INTS4: variants seen among roughly 807,000 people sequenced by gnomAD.
INTS4 encodes the protein integrator complex subunit 4.
Under a neutral mutation model 119.5 loss-of-function variants are expected in INTS4, and 70 were observed. The ratio of observed to expected loss-of-function variants is 0.59; its 90% CI spans 0.48 to 0.71. The LOEUF (loss-of-function observed/expected upper bound fraction) is 0.71, where lower values mean the gene tolerates loss of function less well. Ranked by LOEUF, INTS4 falls within the 30% of genes least tolerant of loss-of-function variation. The pLI, the probability that INTS4 is intolerant of heterozygous loss-of-function variation, is 0.00. For synonymous variants in INTS4, 316 were observed against 419.6 expected (o/e 0.75, Z 3.02); for missense variants, 867 against 1,173.2 (o/e 0.74, Z 3.81).
At chr11:77,910,614 A>T (rs1953069278) in intron 15 of INTS4, among the ~76,000 whole-genome samples, 1 of 151,206 alleles carries the variant, frequency 6.6e-6, no homozygotes, top group South Asian at 2.1e-4. Flanking sequence ...ATGTTTCTTT[A>T]AAAAAAAAAT....
intron 21 of INTS4, among the ~76,000 whole-genome samples, chr11:77,890,511 T>G (rs1952215308): frequency 1.3e-5 from 2 of 152,026 alleles, no homozygotes; most frequent in Admixed American, 1.3e-4. Context: ...CTAAAAGGTT[T>G]AGCCCTGCAT....
Position 77,910,551 on chromosome 11 carries a change from C to A in INTS4, c.1923-2741G>T, listed in dbSNP as rs1003076368. On this transcript the variant is annotated intron_variant, in intron 15 of 22. Coordinates refer to ENST00000534064, the MANE Select transcript of INTS4 (RefSeq NM_033547.4). ...GGCACATGTATACATATGTAACTAA[C>A]CTGCACATTGTGCACATGTACCCTA... Among the ~76,000 whole-genome samples the A allele has an allele frequency of 5.9e-5, 9 of 151,708 alleles. No individual in the cohort carries two copies. The South Asian group carries it at 1.9e-3, about 32-fold the overall frequency.
intron 18 of INTS4, chr11:77,900,552 T>C: frequency 4.6e-6 from 1 of 216,976 alleles, no homozygotes; most frequent in South Asian, 9.1e-5. Context: ...TCTATGGCAC[T>C]TTTTTTTTTT....
chr11:77,963,352 C>CAAA (rs777966254), intron 4 of INTS4: 8,245 of 173,444 alleles, frequency 0.048, 338 homozygotes, highest in South Asian at 0.061. Context: ...GACTCCGTCT[C>CAAA]AAAAAAAAAA....
chr11:77,951,936 G>A (rs1353622637), intron 8 of INTS4, among the ~76,000 whole-genome samples: 1 of 152,066 alleles, frequency 6.6e-6, no homozygotes, highest in Non-Finnish European at 1.5e-5. Flanking sequence ...CTGGCCATCA[G>A]AGAAATGCAA....
At chr11:77,926,046 T>C (rs1445434487) in intron 11 of INTS4, among the ~76,000 whole-genome samples, 1 of 152,260 alleles carries the variant, frequency 6.6e-6, no homozygotes, top group Non-Finnish European at 1.5e-5. Context: ...TTTGTTTGTT[T>C]ACTCCACCTC....
At chr11:77,886,133 A>C (rs1262845609) in intron 21 of INTS4, among the ~76,000 whole-genome samples, 1 of 151,550 alleles carries the variant, frequency 6.6e-6, no homozygotes, top group Non-Finnish European at 1.5e-5. Context: ...TTGGACACAG[A>C]AGTTTGAGGT....
rs556722911 is a variant in INTS4, at chr11:77,901,289, G to C, written c.2228+132C>G. On this transcript the variant is annotated intron_variant, in intron 18 of 22. Transcript: ENST00000534064. ...TTGTAATATCTGAAAAAAATGAATAGATCACACATTCCTTAGCTAGTCTTT... is the reference window on the plus strand; with the variant it reads ...TTGTAATATCTGAAAAAAATGAATACATCACACATTCCTTAGCTAGTCTTT... 4 of 927,272 alleles carry C rather than the reference G, an allele frequency of 4.3e-6. No homozygotes were observed. The East Asian group carries it at 7.2e-5, about 17-fold the overall frequency. The allele number at this position is 927,272 out of a possible 1,614,324, so 57.4% of individuals were successfully genotyped here.
At chr11:77,948,421 C>A (rs1055087046) in intron 8 of INTS4, among the ~76,000 whole-genome samples, 1 of 151,914 alleles carries the variant, frequency 6.6e-6, no homozygotes, top group Non-Finnish European at 1.5e-5. Flanking sequence ...CCAAGGCAGG[C>A]GAATCACTTG....
At chr11:77,958,296 C>G (rs1419035669) in intron 7 of INTS4, among the ~76,000 whole-genome samples, 1 of 151,850 alleles carries the variant, frequency 6.6e-6, no homozygotes, top group East Asian at 1.9e-4. Context: ...TGCCTACCTC[C>G]TCAAAGAATC....
At chr11:77,905,787 T>C (rs1430097094) in intron 16 of INTS4, among the ~76,000 whole-genome samples, 1 of 152,214 alleles carries the variant, frequency 6.6e-6, no homozygotes, top group Non-Finnish European at 1.5e-5. Context: ...AAGCTGGGTA[T>C]ACACAATTAA....
chr11:77,981,440 CT>C lies in INTS4; in HGVS notation c.364+18del. 7.8e-7 allele frequency: 1 copy of C among 1,277,922 alleles called. No homozygotes were observed. The highest frequency in any genetic ancestry group is 1.1e-6 in the Non-Finnish European group (1 of 914,086). 79.2% of individuals were successfully genotyped at this position (1,277,922 alleles called of 1,614,324 possible). On this transcript the variant is annotated intron_variant, in intron 3 of 22. Coordinates refer to ENST00000534064, the MANE Select transcript of INTS4 (RefSeq NM_033547.4). ...AAATATTTCTGCTCTGACTATAGAG[CT>C]TTTAAATTGCAACTTACTTTCATTC... is the stretch of plus-strand genomic sequence containing the variant.
chr11:77,927,197 A>T (rs1222050855), intron 11 of INTS4, among the ~76,000 whole-genome samples: 1 of 152,194 alleles, frequency 6.6e-6, no homozygotes, highest in Non-Finnish European at 1.5e-5. Context: ...AAAGAAAGCT[A>T]AAAAGGAAAG....
chr11:77,892,321 A>G (rs566287638), intron 19 of INTS4, among the ~76,000 whole-genome samples: 1 of 152,310 alleles, frequency 6.6e-6, no homozygotes, highest in Non-Finnish European at 1.5e-5. Flanking sequence ...AGAAAAGTTA[A>G]GTACGTTACT....
chr11:77,929,080 C>G (rs1591068435), intron 10 of INTS4, among the ~76,000 whole-genome samples: 1 of 151,738 alleles, frequency 6.6e-6, no homozygotes, highest in African/African-American at 2.4e-5. Context: ...AGGTGCAGTG[C>G]CATACACCAA....
At chr11:77,879,205 A>T (rs1951696939) in intron 22 of INTS4, 78 bp from the exon 23 acceptor site, 37 of 1,499,708 alleles carry the variant, frequency 2.5e-5, no homozygotes, top group South Asian at 1.9e-4. Flanking sequence ...TTAAAGAAAT[A>T]TCAAAATGGA....
At chr11:77,879,438 C>T (rs927881570) in intron 22 of INTS4, among the ~76,000 whole-genome samples, 1 of 152,170 alleles carries the variant, frequency 6.6e-6, no homozygotes, top group Non-Finnish European at 1.5e-5. Context: ...AATTCTTATG[C>T]AGGTGTGGAT....
rs1431212170 is a variant in INTS4 at position 77,960,398 on chromosome 11, AATAAAT to A, written c.658-13_658-8del. On this transcript the variant is annotated splice_region_variant and splice_polypyrimidine_tract_variant and intron_variant, in intron 5 of 22. Transcript: ENST00000534064. ...CTCTTTCATGGAGCTGCAACTAGATAATAAATATATAGTTTAAGTGCTTGGGAGGAA... is the reference window on the plus strand; with the variant it reads ...CTCTTTCATGGAGCTGCAACTAGATAATATAGTTTAAGTGCTTGGGAGGAA... 6.3e-7 allele frequency: 1 copy of A among 1,575,572 alleles called. No homozygotes were observed. Among genetic ancestry groups the A allele is most frequent in the African/African-American group, 1.4e-5 (1 of 73,834 alleles).
At chr11:77,968,105 C>G (rs1169832266) in intron 4 of INTS4, among the ~76,000 whole-genome samples, 2 of 152,112 alleles carry the variant, frequency 1.3e-5, no homozygotes, top group Admixed American at 1.3e-4. Context: ...CTAAACATAT[C>G]TACACATAGA....
Sources: allele counts gnomAD v4.1 joint callset (sites outside exome capture counted in the v4.1 genomes callset), GRCh38; gene constraint gnomAD v4.1.1; transcripts MANE v1.5; gene names NCBI Gene and HGNC (gene_info 2026-07-23, HGNC 2026-07-21).